CACNA2D3: variants seen among roughly 807,000 people sequenced by gnomAD.
The protein encoded by CACNA2D3 is calcium voltage-gated channel auxiliary subunit alpha2delta 3.
A neutral mutation model predicts 160.6 loss-of-function variants in CACNA2D3; 60 were observed. The observed-to-expected ratio is 0.37, with a 90% CI of 0.30 to 0.46. CACNA2D3 has a LOEUF of 0.46. CACNA2D3 is among the 20% of genes least tolerant of loss of function. The pLI is 1.00. For synonymous variants in CACNA2D3, 558 were observed against 492.9 expected, an observed-to-expected ratio of 1.13 and a Z score of -1.75; for missense variants, 1,205 against 1,365.0, an observed-to-expected ratio of 0.88 and a Z score of 1.85.
chr3:55,025,720 C>T (rs1703551853), intron 35 of CACNA2D3, among the ~76,000 whole-genome samples: 1 of 149,986 alleles, frequency 6.7e-6, no homozygotes, highest in Non-Finnish European at 1.5e-5. Flanking sequence ...CTCTCTAATA[C>T]CACGTTGGGT....
chr3:54,718,316 C>T (rs924545990), intron 11 of CACNA2D3, among the ~76,000 whole-genome samples: 1 of 151,992 alleles, frequency 6.6e-6, no homozygotes, highest in Admixed American at 6.6e-5. Context: ...TTTCCCTGCC[C>T]CAATGGTGGA....
intron 35 of CACNA2D3, among the ~76,000 whole-genome samples, chr3:55,059,386 G>T (rs1045728185): frequency 3.9e-5 from 6 of 152,184 alleles, no homozygotes; most frequent in Non-Finnish European, 7.3e-5. Flanking sequence ...CACATGAGAT[G>T]TTGTTGTATT....
chr3:54,681,598 T>TG (rs1046446709), intron 11 of CACNA2D3, among the ~76,000 whole-genome samples: 3 of 147,870 alleles, frequency 2.0e-5, no homozygotes, highest in Non-Finnish European at 4.5e-5. Flanking sequence ...TAAACAGAGG[T>TG]GGACATGATG....
chr3:55,002,033 GT>G (rs1433138915), intron 31 of CACNA2D3, among the ~76,000 whole-genome samples: 1 of 152,062 alleles, frequency 6.6e-6, no homozygotes, highest in African/African-American at 2.4e-5. Context: ...GCATGTGCCT[GT>G]AGTCCCAACT....
chr3:54,463,566 C>T (rs62254182), intron 4 of CACNA2D3, among the ~76,000 whole-genome samples: 4,676 of 151,908 alleles, frequency 0.031, 94 homozygotes, highest in Non-Finnish European at 0.048. Context: ...TTGATCGCAT[C>T]GGCTCCTGAG....
At chr3:54,462,992 A>G (rs1312715966) in intron 4 of CACNA2D3, among the ~76,000 whole-genome samples, 1 of 149,894 alleles carries the variant, frequency 6.7e-6, no homozygotes, top group African/African-American at 2.5e-5. Context: ...ATCTCTCAGC[A>G]TTTGCTTGTC....
chr3:54,249,953 C>T (rs1251542550), intron 2 of CACNA2D3, among the ~76,000 whole-genome samples: 1 of 152,166 alleles, frequency 6.6e-6, no homozygotes. Flanking sequence ...GTGGAGCACC[C>T]AAGACTCCTC....
At chr3:54,306,328 T>TGAGAGAGAGAGAGA (rs140311356) in intron 2 of CACNA2D3, among the ~76,000 whole-genome samples, 19 of 151,214 alleles carry the variant, frequency 1.3e-4, no homozygotes, top group South Asian at 2.1e-4. Flanking sequence ...TGTGTGTATA[T>TGAGAGAGAGAGAGA]GAGAGAGAGA....
At chr3:54,682,625 AAATT>A (rs1700375448) in intron 11 of CACNA2D3, among the ~76,000 whole-genome samples, 1 of 152,174 alleles carries the variant, frequency 6.6e-6, no homozygotes, top group Admixed American at 6.5e-5. Flanking sequence ...AAGAAAAAAG[AAATT>A]AATAAGGAAT....
At position 54,485,320 on chromosome 3, in the gene CACNA2D3, T is replaced by C. The variant is rs190238567; in HGVS notation, c.382-18172T>C. ...TTTGCCACTCAGTTTTGGATTCAAA[T>C]TCATAGGAGAATTTTTTAACTTGAA... On this transcript the variant is annotated intron_variant, in intron 4 of 37. Coordinates refer to ENST00000474759, the MANE Select transcript of CACNA2D3 (RefSeq NM_018398.3). 1.3e-3 allele frequency among the ~76,000 whole-genome samples: 200 copies of C among 152,298 alleles called. 2 individuals are homozygous for C. The highest frequency in any genetic ancestry group is 1.0e-3 in the Non-Finnish European group (68 of 68,026).
intron 4 of CACNA2D3, among the ~76,000 whole-genome samples, chr3:54,448,638 T>G (rs1700258761): frequency 6.6e-6 from 1 of 152,208 alleles, no homozygotes; most frequent in African/African-American, 2.4e-5. Flanking sequence ...GTCAGCAGCC[T>G]TCATGTTCTC....
At chr3:54,665,789 ATTTTTTT>A (rs535697929) in intron 11 of CACNA2D3, among the ~76,000 whole-genome samples, 4 of 134,704 alleles carry the variant, frequency 3.0e-5, no homozygotes, top group South Asian at 4.9e-4. Flanking sequence ...GAGGATGGTT[ATTTTTTT>A]TTTTTTTTTT....
intron 10 of CACNA2D3, among the ~76,000 whole-genome samples, chr3:54,631,582 G>T (rs1053930077): frequency 6.6e-6 from 1 of 152,206 alleles, no homozygotes. Flanking sequence ...GATCGTGGCT[G>T]GAGCTTAGAA....
chr3:54,247,912 A>G (rs1024162328), intron 2 of CACNA2D3, among the ~76,000 whole-genome samples: 1 of 152,174 alleles, frequency 6.6e-6, no homozygotes, highest in Non-Finnish European at 1.5e-5. Context: ...TGGATGCTCA[A>G]ACTACTGACC....
intron 2 of CACNA2D3, among the ~76,000 whole-genome samples, chr3:54,148,043 C>T (rs1006223332): frequency 2.6e-5 from 4 of 152,310 alleles, no homozygotes; most frequent in Non-Finnish European, 5.9e-5. Context: ...GTGATCCGTC[C>T]GCCTTGGCGT....
chr3:54,809,475 C>T (rs983134853), intron 13 of CACNA2D3, among the ~76,000 whole-genome samples: 4 of 143,624 alleles, frequency 2.8e-5, no homozygotes, highest in Non-Finnish European at 4.5e-5. Flanking sequence ...CCCGCCACCG[C>T]GCCCGGCTAA....
intron 35 of CACNA2D3, among the ~76,000 whole-genome samples, chr3:55,045,203 C>A (rs975993871): frequency 2.6e-5 from 4 of 152,148 alleles, no homozygotes; most frequent in Non-Finnish European, 5.9e-5. Flanking sequence ...TGCCTGCCAC[C>A]ATGACTGGCT....
chr3:54,340,901 G>A (rs775715795), intron 3 of CACNA2D3, among the ~76,000 whole-genome samples: 18 of 152,186 alleles, frequency 1.2e-4, no homozygotes, highest in Non-Finnish European at 1.9e-4. Flanking sequence ...CACCACAGAG[G>A]TATGAGGTCA....
chr3:54,512,698 A>G (rs1701478913), intron 5 of CACNA2D3, among the ~76,000 whole-genome samples: 1 of 152,094 alleles, frequency 6.6e-6, no homozygotes. Context: ...TGATGCATGG[A>G]TGTGGTGAAC....
Sources: allele counts gnomAD v4.1 joint callset (sites outside exome capture counted in the v4.1 genomes callset), GRCh38; gene constraint gnomAD v4.1.1; transcripts MANE v1.5; gene names NCBI Gene and HGNC (gene_info 2026-07-23, HGNC 2026-07-21).